KALRN: variants seen among roughly 807,000 people sequenced by gnomAD.
The protein encoded by KALRN is kalirin.
In KALRN, 70 loss-of-function variants were observed where a neutral mutation model predicts 353.7. The observed-to-expected ratio is 0.20, with a 90% CI of 0.16 to 0.24. The LOEUF (loss-of-function observed/expected upper bound fraction) is 0.24, where lower values mean the gene tolerates loss of function less well. Ranked by LOEUF, KALRN falls within the 10% of genes least tolerant of loss-of-function variation. The pLI, the probability that KALRN is intolerant of heterozygous loss-of-function variation, is 1.00. For missense variants in KALRN, 2,791 were observed against 3,756.7 expected, an observed-to-expected ratio of 0.74 and a Z score of 6.72; for synonymous variants, 1,391 against 1,434.8, an observed-to-expected ratio of 0.97 and a Z score of 0.69.
intron 1 of KALRN, among the ~76,000 whole-genome samples, chr3:124,109,994 A>ACTTTGATATATATGACATATATGTCATG (rs1559974255): frequency 9.5e-5 from 2 of 20,994 alleles, no homozygotes; most frequent in Non-Finnish European, 1.3e-4. Flanking sequence ...TATATGTCAT[A>ACTTTGATATATATGACATATATGTCATG]CTTTGATATA....
intron 3 of KALRN, among the ~76,000 whole-genome samples, chr3:124,254,952 A>ATTTTTTTTTTTTTTTTTTTT (rs1553876375): frequency 2.7e-5 from 3 of 109,260 alleles, no homozygotes; most frequent in African/African-American, 8.1e-5. Context: ...ATATATATAT[A>ATTTTTTTTTTTTTTTTTTTT]TTTTTTTTTT....
At chr3:124,355,596 T>C (rs1280572659) in intron 10 of KALRN, among the ~76,000 whole-genome samples, 1 of 152,024 alleles carries the variant, frequency 6.6e-6, no homozygotes, top group Admixed American at 6.6e-5. Context: ...TTTTATGAGC[T>C]GTCCAAAACA....
intron 34 of KALRN, chr3:124,584,964 G>A: frequency 6.5e-7 from 1 of 1,548,894 alleles, no homozygotes. Flanking sequence ...CGCGCTCAGC[G>A]CGAGGGAGGG....
intron 1 of KALRN, among the ~76,000 whole-genome samples, chr3:124,075,958 G>A (rs769015265): frequency 2.6e-5 from 4 of 152,190 alleles, no homozygotes; most frequent in South Asian, 4.1e-4. Flanking sequence ...GCCCAAGGTC[G>A]CCAGCCTTGT....
chr3:124,414,082 G>A (rs1245677482), intron 14 of KALRN, among the ~76,000 whole-genome samples: 2 of 151,778 alleles, frequency 1.3e-5, no homozygotes, highest in Admixed American at 6.6e-5. Flanking sequence ...CTCCAGCCTG[G>A]GCAAGAGTCA....
chr3:124,261,742 A>T (rs907348931), intron 3 of KALRN, among the ~76,000 whole-genome samples: 3 of 152,200 alleles, frequency 2.0e-5, no homozygotes, highest in Non-Finnish European at 2.9e-5. Context: ...AGCAACAGAG[A>T]TGGAGTCTGA....
At chr3:124,360,714 TC>T (rs1436175183) in intron 10 of KALRN, among the ~76,000 whole-genome samples, 19 of 152,184 alleles carry the variant, frequency 1.2e-4, no homozygotes, top group African/African-American at 4.6e-4. Flanking sequence ...TCAACACAAG[TC>T]AACTTGCCCA....
chr3:124,385,343 A>G (rs1201946109), intron 11 of KALRN, among the ~76,000 whole-genome samples: 1 of 152,148 alleles, frequency 6.6e-6, no homozygotes, highest in Admixed American at 6.5e-5. Context: ...AGCAATAGTC[A>G]CTGCAAGAAG....
Position 124,524,437 on chromosome 3 carries a change from C to G in KALRN, c.4935+28024C>G, listed in dbSNP as rs1237427003. Among the ~76,000 whole-genome samples the G allele has an allele frequency of 9.9e-5, 15 of 152,228 alleles. No individual in the cohort carries two copies. The East Asian group carries it at 2.5e-3, about 25-fold the overall frequency. On this transcript the variant is annotated intron_variant, in intron 33 of 59. Coordinates refer to ENST00000682506, the MANE Select transcript of KALRN (RefSeq NM_001388419.1). ...ACATTCCATGTGTGGACCATGGAAA[C>G]TGATATATGTGGGTCATAAAGCTTG...
At chr3:124,332,057 G>A (rs1435840858) in intron 8 of KALRN, among the ~76,000 whole-genome samples, 1 of 152,102 alleles carries the variant, frequency 6.6e-6, no homozygotes, top group Non-Finnish European at 1.5e-5. Context: ...TATGTCTCTG[G>A]TGGGCATCAC....
intron 1 of KALRN, among the ~76,000 whole-genome samples, chr3:124,110,469 G>GCGCACACA (rs10634082): frequency 0.071 from 9,506 of 134,006 alleles, 494 homozygotes; most frequent in Non-Finnish European, 0.095. Context: ...ACACACGCGC[G>GCGCACACA]CACACACACA....
At chr3:124,462,485 G>A in intron 24 of KALRN, 39 bp from the exon 25 acceptor site, 2 of 1,221,872 alleles carry the variant, frequency 1.6e-6, no homozygotes, top group Non-Finnish European at 2.4e-6. Flanking sequence ...TATATGGCCT[G>A]CCAGACTTGC....
At chr3:124,354,919 A>G (rs895478583) in intron 10 of KALRN, among the ~76,000 whole-genome samples, 6 of 152,244 alleles carry the variant, frequency 3.9e-5, no homozygotes, top group African/African-American at 1.4e-4. Context: ...AGGAACACAG[A>G]AATGAGCCAT....
chr3:124,495,986 T>TATATAC, intron 32 of KALRN, among the ~76,000 whole-genome samples: 1 of 52,786 alleles, frequency 1.9e-5, no homozygotes, highest in African/African-American at 8.5e-5. Flanking sequence ...TATATATATA[T>TATATAC]ATATATATAT....
At chr3:124,625,545 A>AC (rs1311006385) in intron 34 of KALRN, among the ~76,000 whole-genome samples, 3 of 150,964 alleles carry the variant, frequency 2.0e-5, no homozygotes, top group African/African-American at 7.3e-5. Flanking sequence ...ACATCATGAG[A>AC]CCCCATCTCT....
At chr3:124,566,250 C>T (rs1393333641) in intron 34 of KALRN, among the ~76,000 whole-genome samples, 1 of 152,166 alleles carries the variant, frequency 6.6e-6, no homozygotes, top group Non-Finnish European at 1.5e-5. Flanking sequence ...CCTGTAATCC[C>T]AGCACTTTGG....
At chr3:124,664,371 G>GCGCA (rs1553719837) in intron 45 of KALRN, among the ~76,000 whole-genome samples, 60 of 77,076 alleles carry the variant, frequency 7.8e-4, no homozygotes, top group Admixed American at 4.3e-3. Flanking sequence ...GTGTGTGTGT[G>GCGCA]CGCGCGCGCG....
chr3:124,352,188 G>C (rs916011976), intron 10 of KALRN, among the ~76,000 whole-genome samples: 2 of 152,070 alleles, frequency 1.3e-5, no homozygotes, highest in African/African-American at 2.4e-5. Flanking sequence ...GAGACATTAG[G>C]TGTCATCAAG....
intron 33 of KALRN, chr3:124,504,705 C>G (rs1322000036): frequency 2.6e-6 from 1 of 387,472 alleles, no homozygotes; most frequent in Non-Finnish European, 5.3e-6. Context: ...TCCAGCCTCT[C>G]AAGCAAATTC....
Sources: allele counts gnomAD v4.1 joint callset (sites outside exome capture counted in the v4.1 genomes callset), GRCh38; gene constraint gnomAD v4.1.1; transcripts MANE v1.5; gene names NCBI Gene and HGNC (gene_info 2026-07-23, HGNC 2026-07-21).